Variants in KRTAP5-4 observed in about 807,000 individuals in gnomAD.
The protein encoded by KRTAP5-4 is keratin associated protein 5-4.
A neutral mutation model predicts 2.6 loss-of-function variants in KRTAP5-4; 1 was observed. That is an observed-to-expected ratio of 0.39 (90% CI 0.14 to 1.85). The LOEUF (loss-of-function observed/expected upper bound fraction) is 1.85. Ranked by LOEUF, KRTAP5-4 falls within the 40% of genes most tolerant of loss-of-function variation. The pLI is 0.32. For missense variants in KRTAP5-4, 195 were observed against 276.9 expected (o/e 0.70, Z 2.10); for synonymous variants, 83 against 113.1 (o/e 0.73, Z 1.69).
At position 1,621,513 on chromosome 11, in the gene KRTAP5-4, C is replaced by T. The variant is rs137946880; in HGVS notation, c.581G>A (p.Cys194Tyr). The change falls in exon 1 of 1, where the codon TGC becomes TAC. Residue 194 changes from cysteine to tyrosine, a missense_variant. Transcript: ENST00000399682. ...CCQSSCCKPC[C>Y]SSSGCGSSCC... The stretch of plus-strand genomic sequence containing the variant: ...GGATGACCCACAACCTGAGGAGGAG[C>T]AGCAGGGCTTACAGCAGCTGGACTG... 6,379 of 1,603,362 alleles carry T rather than the reference C, an allele frequency of 4.0e-3. 61 individuals carry two copies. Among genetic ancestry groups the T allele is most frequent in the African/African-American group, 0.02 (1,466 of 74,148 alleles).
In KRTAP5-4 at chr11:1,622,122, T is replaced by C. The variant is rs770967092; in HGVS notation, c.-29A>G. On this transcript the variant is annotated 5_prime_UTR_variant, in exon 1 of 1. Coordinates refer to ENST00000399682, the MANE Select transcript of KRTAP5-4 (RefSeq NM_001347674.1). ...TCTGGTGGATTGAGGGTGGAGCAGG[T>C]AGAGGAGCAGATGAGATGGAGGTGC... 9 of 1,607,618 alleles carry C rather than the reference T, an allele frequency of 5.6e-6. No individual in the cohort carries two copies. Among genetic ancestry groups the C allele is most frequent in the Middle Eastern group, 2.1e-4 (1 of 4,748 alleles).
In KRTAP5-4 at chr11:1,622,134, T is replaced by A. The variant is rs770146414; in HGVS notation, c.-41A>T. ...AGGGTGGAGCAGGTAGAGGAGCAGA[T>A]GAGATGGAGGTGCAGGTGTGGAGCC... is the stretch of plus-strand genomic sequence containing the variant. On this transcript the variant is annotated 5_prime_UTR_variant, in exon 1 of 1. Transcript: ENST00000399682. 1 of 1,604,912 alleles carries A rather than the reference T, an allele frequency of 6.2e-7. No homozygotes were observed. Among genetic ancestry groups the A allele is most frequent in the Non-Finnish European group, 8.5e-7 (1 of 1,176,018 alleles).
At position 1,621,230 on chromosome 11, in the gene KRTAP5-4, A is replaced by C. The variant is rs1320837898; in HGVS notation, c.*177T>G. 1 of 1,260,854 alleles carries C rather than the reference A, an allele frequency of 7.9e-7. No homozygotes were observed. Among genetic ancestry groups the C allele is most frequent in the Non-Finnish European group, 1.1e-6 (1 of 923,882 alleles). 78.1% of individuals were successfully genotyped at this position (1,260,854 alleles called of 1,614,324 possible). A position where few individuals can be genotyped will look rare whatever the true frequency, so the allele number is the denominator to read the frequency against. On this transcript the variant is annotated 3_prime_UTR_variant, in exon 1 of 1. Coordinates refer to ENST00000399682, the MANE Select transcript of KRTAP5-4 (RefSeq NM_001347674.1). ...TGACTTGGGGAGAGAATTTGTTAGGAGAGACAATGGACATTAATTAGGGTG... is the reference window on the plus strand; with the variant it reads ...TGACTTGGGGAGAGAATTTGTTAGGCGAGACAATGGACATTAATTAGGGTG...
rs963573474 is a variant in KRTAP5-4, at chr11:1,621,329, G to A, written c.*78C>T. The A allele has an allele frequency of 1.9e-6, 3 of 1,590,044 alleles. No individual in the cohort carries two copies. The African/African-American group carries it at 4.0e-5, about 21-fold the overall frequency. ...GGAATGGACCCTGAGCAATGATTTG[G>A]GGCTCAACAATGAAGGACAGGTCAC... is the stretch of plus-strand genomic sequence containing the variant. On this transcript the variant is annotated 3_prime_UTR_variant, in exon 1 of 1. Transcript: ENST00000399682.
rs1264614035 is a variant in KRTAP5-4 at position 1,621,716 on chromosome 11, G to T, written c.378C>A (p.Gly126=). The change falls in exon 1 of 1, where the codon GGC becomes GGA. Residue 126 remains glycine (G), a synonymous_variant. Transcript: ENST00000399682. ...GSKGGCGSCG[G]SKGGCGSCGC... is the part of the protein sequence containing the mutation. ...CACAAGAGCCACAGCCTCCTTTGGA[G>T]CCCCCACAGGAGCCACAGCCCCCCT... 1.9e-6 allele frequency: 3 copies of T among 1,606,266 alleles called. No homozygotes were observed. The African/African-American group carries it at 4.1e-5, about 22-fold the overall frequency.
chr11:1,621,495 C>T lies in KRTAP5-4; in HGVS notation c.599G>A (p.Gly200Glu). ...GCAACTGGACTGGCAGCAGGATGAC[C>T]CACAACCTGAGGAGGAGCAGCAGGG... ...CKPCCSSSGC[G>E]SSCCQSSCCN... The change falls in exon 1 of 1, where the codon GGG becomes GAG. Residue 200 changes from glycine to glutamate, a missense_variant. Transcript: ENST00000399682. 2 of 1,613,446 alleles carry T rather than the reference C, an allele frequency of 1.2e-6. No homozygotes were observed. Among genetic ancestry groups the T allele is most frequent in the Admixed American group, 1.7e-5 (1 of 59,972 alleles).
Position 1,621,328 on chromosome 11 carries a change from G to A in KRTAP5-4, c.*79C>T. ...GGGAATGGACCCTGAGCAATGATTTGGGGCTCAACAATGAAGGACAGGTCA... is the reference window on the plus strand; with the variant it reads ...GGGAATGGACCCTGAGCAATGATTTAGGGCTCAACAATGAAGGACAGGTCA... On this transcript the variant is annotated 3_prime_UTR_variant, in exon 1 of 1. Transcript: ENST00000399682. 1 of 1,589,510 alleles carries A rather than the reference G, an allele frequency of 6.3e-7. No individual in the cohort carries two copies. Among genetic ancestry groups the A allele is most frequent in the Non-Finnish European group, 8.6e-7 (1 of 1,165,908 alleles).
In KRTAP5-4 at chr11:1,621,160, A is replaced by G. The variant is rs1849592333; in HGVS notation, c.*247T>C. 8.2e-6 allele frequency: 6 copies of G among 729,780 alleles called. 1 individual carries two copies. In the South Asian group the frequency reaches 1.2e-4, roughly 14 times the overall value. 45.2% of individuals were successfully genotyped at this position (729,780 alleles called of 1,614,324 possible). A position where few individuals can be genotyped will look rare whatever the true frequency, so the allele number is the denominator to read the frequency against. ...GCTCAGGCCTCTGAAAAGATGAGCA[A>G]AGGCGAGGCTAGTGGGTGAGGGGTG... On this transcript the variant is annotated 3_prime_UTR_variant, in exon 1 of 1. Transcript: ENST00000399682.
At position 1,621,988 on chromosome 11, in the gene KRTAP5-4, C is replaced by G; in HGVS notation, c.106G>C (p.Gly36Arg). ...CCCCCACAGCCGGAGCCACAGCCCC[C>G]ACAGCCGGAGCCACAGCCCCCACAG... ...SGCGGCGSGC[G>R]GCGSGCGGCG... The change falls in exon 1 of 1, where the codon GGG becomes CGG. Residue 36 changes from glycine to arginine, a missense_variant. Coordinates refer to ENST00000399682, the MANE Select transcript of KRTAP5-4 (RefSeq NM_001347674.1). The G allele has an allele frequency of 6.4e-7, 1 of 1,558,242 alleles. No individual in the cohort carries two copies. Among genetic ancestry groups the G allele is most frequent in the Non-Finnish European group, 8.7e-7 (1 of 1,149,374 alleles).
In KRTAP5-4 at chr11:1,621,988, C is replaced by T. The variant is rs1849613611; in HGVS notation, c.106G>A (p.Gly36Arg). 6.4e-7 allele frequency: 1 copy of T among 1,558,180 alleles called. No individual in the cohort carries two copies. Among genetic ancestry groups the T allele is most frequent in the Admixed American group, 1.8e-5 (1 of 56,692 alleles). ...CCCCCACAGCCGGAGCCACAGCCCC[C>T]ACAGCCGGAGCCACAGCCCCCACAG... ...SGCGGCGSGC[G>R]GCGSGCGGCG... The change falls in exon 1 of 1, where the codon GGG (glycine) becomes AGG (arginine). Residue 36 changes from glycine to arginine, a missense_variant. Coordinates refer to ENST00000399682, the MANE Select transcript of KRTAP5-4 (RefSeq NM_001347674.1).
In KRTAP5-4 at chr11:1,621,776, G is replaced by T; in HGVS notation, c.318C>A (p.Gly106=). ...GSKGGCGSCG[G]SKGGCGSCGG... ...CACAGGAGCCACAGCCCCCCTTGGAGCCCCCACAGGAGCCACAGCCCCCCT... is the reference window on the plus strand; with the variant it reads ...CACAGGAGCCACAGCCCCCCTTGGATCCCCCACAGGAGCCACAGCCCCCCT... The change falls in exon 1 of 1, where the codon GGC becomes GGA. Residue 106 remains glycine (G), a synonymous_variant. Transcript: ENST00000399682. The T allele has an allele frequency of 7.2e-7, 1 of 1,389,938 alleles. No individual in the cohort carries two copies. Among genetic ancestry groups the T allele is most frequent in the Non-Finnish European group, 9.6e-7 (1 of 1,045,488 alleles). The allele number at this position is 1,389,938 out of a possible 1,614,324, so 86.1% of individuals were successfully genotyped here. A position where few individuals can be genotyped will look rare whatever the true frequency, so the allele number is the denominator to read the frequency against.
Position 1,621,913 on chromosome 11 carries a change from A to G in KRTAP5-4, c.181T>C (p.Cys61Arg). The G allele has an allele frequency of 1.3e-6, 2 of 1,599,782 alleles. No individual in the cohort carries two copies. Among genetic ancestry groups the G allele is most frequent in the Non-Finnish European group, 1.7e-6 (2 of 1,174,470 alleles). Residue 61 changes from cysteine to arginine, a missense_variant, in exon 1 of 1, where the codon TGC becomes CGC. Cys to Arg is a radical substitution (Grantham distance 180). Coordinates refer to ENST00000399682, the MANE Select transcript of KRTAP5-4 (RefSeq NM_001347674.1). ...GAGCAGGAACAGGCTGGCACACAGC[A>G]GCACACAGGTTTGCAGCAGCAGATG... ...VPICCCKPVC[C>R]CVPACSCSSC...
At position 1,621,183 on chromosome 11, in the gene KRTAP5-4, G is replaced by T. The variant is rs1849592631; in HGVS notation, c.*224C>A. ...CAAAGGCGAGGCTAGTGGGTGAGGG[G>T]TGATTCAGCTGCAATTGCAGTTGAC... On this transcript the variant is annotated 3_prime_UTR_variant, in exon 1 of 1. Coordinates refer to ENST00000399682, the MANE Select transcript of KRTAP5-4 (RefSeq NM_001347674.1). 1.1e-5 allele frequency: 10 copies of T among 889,762 alleles called. No individual in the cohort carries two copies. In the East Asian group the frequency reaches 2.5e-4, roughly 22 times the overall value. The allele number at this position is 889,762 out of a possible 1,614,324, so 55.1% of individuals were successfully genotyped here. A position where few individuals can be genotyped will look rare whatever the true frequency, so the allele number is the denominator to read the frequency against.
In KRTAP5-4 at chr11:1,621,421, G is replaced by A; in HGVS notation, c.673C>T (p.Gln225Ter). Residue 225 changes from glutamine (Q) to a stop codon, truncating the protein, a stop_gained, in exon 1 of 1, where the codon CAG (glutamine) becomes TAG (stop). Coordinates refer to ENST00000399682, the MANE Select transcript of KRTAP5-4 (RefSeq NM_001347674.1). LOFTEE classifies it high-confidence loss of function. Reference sequence around the variant, plus strand: ...AGTCCAGAGCCTCAGATCTTACACTGGCAGCACACAGGGACACAGCAACTA... The same window carrying A: ...AGTCCAGAGCCTCAGATCTTACACTAGCAGCACACAGGGACACAGCAACTA... ...QSSCCVPVCC[Q>*]CKI 2 of 1,614,174 alleles carry A rather than the reference G, an allele frequency of 1.2e-6. No homozygotes were observed.
Position 1,622,052 on chromosome 11 carries a change from A to G in KRTAP5-4, c.42T>C (p.Cys14=), listed in dbSNP as rs1462783610. Reference sequence around the variant, plus strand: ...CCCCACAGCCGGAGCCACAGCCCCCACAGCCGGAGCCACAGCCTCCAGAGC... The same window carrying G: ...CCCCACAGCCGGAGCCACAGCCCCCGCAGCCGGAGCCACAGCCTCCAGAGC... The part of the protein sequence containing the change: ...CGCSGGCGSG[C]GGCGSGCGGC... Residue 14 remains cysteine (C), a synonymous_variant, in exon 1 of 1, where the codon TGT becomes TGC. Transcript: ENST00000399682. 2 of 1,532,058 alleles carry G rather than the reference A, an allele frequency of 1.3e-6. No individual in the cohort carries two copies. The highest frequency in any genetic ancestry group is 1.5e-5 in the African/African-American group (1 of 66,616). The allele number at this position is 1,532,058 out of a possible 1,614,324, so 94.9% of individuals were successfully genotyped here.
chr11:1,622,034 GCCGGAGCCACAGC>G lies in KRTAP5-4; in HGVS notation c.47_59del (p.Gly16AlafsTer218). 7.4e-7 allele frequency: 1 copy of G among 1,347,170 alleles called. No individual in the cohort carries two copies. Among genetic ancestry groups the G allele is most frequent in the Non-Finnish European group, 1.0e-6 (1 of 991,058 alleles). 83.5% of individuals were successfully genotyped at this position (1,347,170 alleles called of 1,614,324 possible). On this transcript the variant is annotated frameshift_variant, in exon 1 of 1. Coordinates refer to ENST00000399682, the MANE Select transcript of KRTAP5-4 (RefSeq NM_001347674.1). LOFTEE classifies it low-confidence loss of function (END_TRUNC). Reference sequence around the variant, plus strand: ...CACAGCCAGAGCCACAGCCCCCACAGCCGGAGCCACAGCCCCCACAGCCGGAGCCACAGCCTCC... The same window carrying G: ...CACAGCCAGAGCCACAGCCCCCACAGCCCCACAGCCGGAGCCACAGCCTCC...
Position 1,621,392 on chromosome 11 carries a change from C to T in KRTAP5-4, c.*15G>A, listed in dbSNP as rs1194031251. The T allele has an allele frequency of 8.7e-6, 14 of 1,613,892 alleles. No individual in the cohort carries two copies. Among genetic ancestry groups the T allele is most frequent in the East Asian group, 4.5e-5 (2 of 44,886 alleles). ...CAGGATTAGCAGGACTCACATGAGG[C>T]CTGAGTCCAGAGCCTCAGATCTTAC... On this transcript the variant is annotated 3_prime_UTR_variant, in exon 1 of 1. Transcript: ENST00000399682.
Position 1,621,904 on chromosome 11 carries a change from G to A in KRTAP5-4, c.190C>T (p.Pro64Ser), listed in dbSNP as rs1341099130. Residue 64 changes from proline (P) to serine (S), a missense_variant, in exon 1 of 1, where the codon CCA becomes TCA. By Grantham distance (74) the Pro-to-Ser change is moderately conservative. Transcript: ENST00000399682. Reference sequence around the variant, plus strand: ...CCACAGCTGGAGCAGGAACAGGCTGGCACACAGCAGCACACAGGTTTGCAG... The same window carrying A: ...CCACAGCTGGAGCAGGAACAGGCTGACACACAGCAGCACACAGGTTTGCAG... ...CCCKPVCCCV[P>S]ACSCSSCGSC... 1 of 1,599,410 alleles carries A rather than the reference G, an allele frequency of 6.3e-7. No homozygotes were observed.
Position 1,621,165 on chromosome 11 carries a change from G to A in KRTAP5-4, c.*242C>T, listed in dbSNP as rs1277486998. 1.3e-5 allele frequency: 10 copies of A among 757,440 alleles called. 1 individual carries two copies. Among genetic ancestry groups the A allele is most frequent in the South Asian group, 5.8e-5 (3 of 51,538 alleles). The allele number at this position is 757,440 out of a possible 1,614,324, so 46.9% of individuals were successfully genotyped here. ...GGCCTCTGAAAAGATGAGCAAAGGC[G>A]AGGCTAGTGGGTGAGGGGTGATTCA... is the stretch of plus-strand genomic sequence containing the variant. On this transcript the variant is annotated 3_prime_UTR_variant, in exon 1 of 1. Coordinates refer to ENST00000399682, the MANE Select transcript of KRTAP5-4 (RefSeq NM_001347674.1).
Sources: gnomAD v4.1 joint callset for allele counts on GRCh38, gnomAD v4.1.1 for gene constraint, MANE v1.5 for transcripts, NCBI Gene and HGNC (gene_info 2026-07-23, HGNC 2026-07-21) for gene names.